The following ULK4 variants were observed in gnomAD, a reference collection of about 807,000 sequenced individuals.
ULK4 encodes the protein inactive serine/threonine-protein kinase ULK4.
Under a neutral mutation model 160.6 loss-of-function variants are expected in ULK4, and 133 were observed. The ratio of observed to expected loss-of-function variants is 0.83; its 90% CI spans 0.72 to 0.96. The LOEUF (loss-of-function observed/expected upper bound fraction) is 0.96, where lower values mean the gene tolerates loss of function less well. ULK4 is among the 40% of genes least tolerant of loss of function. The pLI is 0.00. For synonymous variants in ULK4, 534 were observed against 539.8 expected, an observed-to-expected ratio of 0.99 and a Z score of 0.15; for missense variants, 1,580 against 1,499.5, an observed-to-expected ratio of 1.05 and a Z score of -0.89.
intron 30 of ULK4, among the ~76,000 whole-genome samples, chr3:41,637,367 A>G (rs769856982): frequency 1.1e-4 from 16 of 152,200 alleles, no homozygotes; most frequent in Admixed American, 2.6e-4. Flanking sequence ...CACCAATGAC[A>G]GGATTTCTTT....
At chr3:41,789,455 C>T (rs960785322) in intron 21 of ULK4, among the ~76,000 whole-genome samples, 1 of 152,088 alleles carries the variant, frequency 6.6e-6, no homozygotes, top group Non-Finnish European at 1.5e-5. Flanking sequence ...AGGCAGAAGC[C>T]ATTTAAAGAA....
At chr3:41,353,252 T>C (rs1000648634) in intron 35 of ULK4, among the ~76,000 whole-genome samples, 5 of 152,204 alleles carry the variant, frequency 3.3e-5, no homozygotes, top group African/African-American at 9.6e-5. Flanking sequence ...CCACTAAGCA[T>C]TGACCTACCT....
chr3:41,399,806 C>T (rs9813781), intron 34 of ULK4, among the ~76,000 whole-genome samples: 86,349 of 151,872 alleles, frequency 0.57, 25,974 homozygotes, highest in African/African-American at 0.79. Flanking sequence ...TCTCACCATG[C>T]TGCCACAGCT....
chr3:41,262,339 T>C (rs2078961436), intron 35 of ULK4, among the ~76,000 whole-genome samples: 1 of 152,200 alleles, frequency 6.6e-6, no homozygotes, highest in Admixed American at 6.5e-5. Flanking sequence ...CCTCTCAAAC[T>C]GGGGTCAAAG....
chr3:41,916,669 A>G (rs12108049), intron 7 of ULK4, among the ~76,000 whole-genome samples: 19,690 of 149,970 alleles, frequency 0.13, 1,435 homozygotes, highest in Middle Eastern at 0.28. Context: ...TGCAATTACA[A>G]TTACAAGTGT....
rs2082389044 is a variant in ULK4, at chr3:41,410,511, G to T, written c.3493-12247C>A. Among the ~76,000 whole-genome samples, 3 of 152,286 alleles carry T rather than the reference G, an allele frequency of 2.0e-5. No homozygotes were observed. The South Asian group carries it at 6.2e-4, about 32-fold the overall frequency. ...AAATTAGTGATTGACTAGAGTTGTA[G>T]AGGGGAGGGAATGGGGAATGACTTT... On this transcript the variant is annotated intron_variant, in intron 34 of 36. Transcript: ENST00000301831.
intron 31 of ULK4, among the ~76,000 whole-genome samples, chr3:41,593,066 C>T (rs1419466969): frequency 2.0e-5 from 3 of 152,182 alleles, no homozygotes; most frequent in Non-Finnish European, 4.4e-5. Context: ...GCTATTTCTT[C>T]CCTAACTCCC....
chr3:41,361,084 G>A (rs1309138998), intron 35 of ULK4, among the ~76,000 whole-genome samples: 1 of 152,150 alleles, frequency 6.6e-6, no homozygotes, highest in African/African-American at 2.4e-5. Context: ...GAGCAAGCAG[G>A]AAAAGTGAGA....
rs557529162 is a variant in ULK4, at chr3:41,567,173, T to A, written c.3121-1043A>T. ...AGAAACATATGGTTTGCTGTTGGGT[T>A]GTTTTTTAACGTATAGCTATTTTGT... is the stretch of plus-strand genomic sequence containing the variant. On this transcript the variant is annotated intron_variant, in intron 31 of 36. Transcript: ENST00000301831. 1.2e-4 allele frequency among the ~76,000 whole-genome samples: 18 copies of A among 152,356 alleles called. No homozygotes were observed. In the East Asian group the frequency reaches 3.3e-3, roughly 28 times the overall value.
intron 18 of ULK4, among the ~76,000 whole-genome samples, chr3:41,825,698 G>C (rs1371967877): frequency 6.6e-6 from 1 of 152,230 alleles, no homozygotes; most frequent in Non-Finnish European, 1.5e-5. Flanking sequence ...GTACCTGAAA[G>C]TGACAGGGAG....
intron 27 of ULK4, among the ~76,000 whole-genome samples, chr3:41,693,525 CAT>C (rs936288812): frequency 6.6e-6 from 1 of 151,994 alleles, no homozygotes; most frequent in Non-Finnish European, 1.5e-5. Context: ...TTCTAACACT[CAT>C]TATTAAATGA....
At chr3:41,249,421 G>T in intron 36 of ULK4, 68 bp downstream of exon 36, 1 of 1,436,296 alleles carries the variant, frequency 7.0e-7, no homozygotes, top group Non-Finnish European at 9.6e-7. Context: ...GGGAGGAGTG[G>T]AGAAAGGAAT....
intron 1 of ULK4, among the ~76,000 whole-genome samples, chr3:41,961,676 G>A (rs967580255): frequency 8.5e-5 from 13 of 152,054 alleles, no homozygotes; most frequent in Non-Finnish European, 1.5e-4. Flanking sequence ...AGCGCTGCAG[G>A]GCGGTGAAGA....
At chr3:41,638,783 T>C (rs1304310614) in intron 30 of ULK4, among the ~76,000 whole-genome samples, 2 of 152,224 alleles carry the variant, frequency 1.3e-5, no homozygotes, top group Non-Finnish European at 2.9e-5. Context: ...ACATGACAGA[T>C]GAATTAAGAG....
chr3:41,491,320 A>G (rs1246994496), intron 32 of ULK4, among the ~76,000 whole-genome samples: 1 of 124,492 alleles, frequency 8.0e-6, no homozygotes, highest in Non-Finnish European at 1.8e-5. Flanking sequence ...TGGAAAAAAT[A>G]AAAAATAAAA....
intron 35 of ULK4, among the ~76,000 whole-genome samples, chr3:41,304,953 T>C (rs187840091): frequency 1.3e-5 from 2 of 152,292 alleles, no homozygotes; most frequent in East Asian, 3.9e-4. Flanking sequence ...GCTGTTTTTG[T>C]TTCCTGCCAA....
chr3:41,686,588 G>C (rs1259765202), intron 27 of ULK4, among the ~76,000 whole-genome samples: 1 of 152,116 alleles, frequency 6.6e-6, no homozygotes, highest in African/African-American at 2.4e-5. Flanking sequence ...GAGGATACCA[G>C]ACAAAGATAA....
At chr3:41,805,586 T>G (rs1416483865) in intron 19 of ULK4, among the ~76,000 whole-genome samples, 1 of 150,988 alleles carries the variant, frequency 6.6e-6, no homozygotes, top group Non-Finnish European at 1.5e-5. Flanking sequence ...ATGCTTCCAG[T>G]TTTTGCCCAT....
chr3:41,559,148 T>C (rs1266893595), intron 32 of ULK4, among the ~76,000 whole-genome samples: 2 of 150,288 alleles, frequency 1.3e-5, no homozygotes, highest in Non-Finnish European at 3.0e-5. Flanking sequence ...GTCCTTGCGA[T>C]AGTTTACTGA....
Sources: allele counts gnomAD v4.1 joint callset (sites outside exome capture counted in the v4.1 genomes callset), GRCh38; gene constraint gnomAD v4.1.1; transcripts MANE v1.5; gene names NCBI Gene and HGNC (gene_info 2026-07-23, HGNC 2026-07-21).